The following NSUN3 variants were observed in gnomAD, a reference collection of about 807,000 sequenced individuals.
NSUN3 encodes tRNA (cytosine(34)-C(5))-methyltransferase, mitochondrial.
A neutral mutation model predicts 36.8 loss-of-function variants in NSUN3; 24 were observed. That is an observed-to-expected ratio of 0.65 (90% CI 0.47 to 0.92). NSUN3 has a LOEUF of 0.92. Among genes scored for constraint, NSUN3 ranks in the 40% least tolerant of loss-of-function variants. The pLI is 0.00. For synonymous variants in NSUN3, 146 were observed against 145.2 expected (o/e 1.01, Z -0.04); for missense variants, 381 against 392.8 (o/e 0.97, Z 0.25).
intron 5 of NSUN3, among the ~76,000 whole-genome samples, chr3:94,110,659 T>A (rs1204254116): frequency 1.3e-5 from 2 of 152,180 alleles, no homozygotes; most frequent in Middle Eastern, 3.4e-3. Context: ...TTTTATTAAA[T>A]GTTTTGGCAT....
intron 3 of NSUN3, among the ~76,000 whole-genome samples, chr3:94,085,573 A>G (rs888436559): frequency 7.2e-5 from 11 of 152,196 alleles, no homozygotes; most frequent in South Asian, 2.1e-4. Context: ...TCTGGGCAAC[A>G]TGGGAAAACC....
chr3:94,086,560 C>T (rs2077293647), intron 3 of NSUN3, among the ~76,000 whole-genome samples: 1 of 152,196 alleles, frequency 6.6e-6, no homozygotes, highest in Non-Finnish European at 1.5e-5. Context: ...AGAGCATTCC[C>T]TGTTGAAATA....
chr3:94,090,708 T>G (rs975101683), intron 3 of NSUN3, among the ~76,000 whole-genome samples: 1 of 152,194 alleles, frequency 6.6e-6, no homozygotes, highest in Non-Finnish European at 1.5e-5. Context: ...CAATTATCTT[T>G]AAATACTTAG....
chr3:94,075,962 A>G, intron 2 of NSUN3: 1 of 1,553,898 alleles, frequency 6.4e-7, no homozygotes, highest in Non-Finnish European at 8.9e-7. Context: ...ATCATTATAA[A>G]TGTTCTCTGC....
intron 5 of NSUN3, among the ~76,000 whole-genome samples, chr3:94,122,189 A>T (rs1403635566): frequency 6.6e-6 from 1 of 150,794 alleles, no homozygotes; most frequent in South Asian, 2.1e-4. Flanking sequence ...AGTGACCTCC[A>T]TGGCAAAAGC....
At chr3:94,126,073 AG>A (rs2077484373) in intron 5 of NSUN3, 137 bp from the exon 6 acceptor site, 1 of 675,290 alleles carries the variant, frequency 1.5e-6, no homozygotes, top group Non-Finnish European at 2.4e-6. Context: ...AAAAAAAAAA[AG>A]ACTAGAAAAC....
chr3:94,104,594 T>C (rs1192235852), intron 5 of NSUN3, among the ~76,000 whole-genome samples: 1 of 152,212 alleles, frequency 6.6e-6, no homozygotes, highest in African/African-American at 2.4e-5. Context: ...CCTTACATGC[T>C]TGGCATGGAA....
At chr3:94,086,968 T>C (rs7633544) in intron 3 of NSUN3, among the ~76,000 whole-genome samples, 100,069 of 152,162 alleles carry the variant, frequency 0.66, 34,950 homozygotes, top group African/African-American at 0.92. Context: ...GCATTTTAAT[T>C]CTAAATTATC....
chr3:94,067,959 A>C (rs1315314195), intron 2 of NSUN3, among the ~76,000 whole-genome samples: 1 of 152,042 alleles, frequency 6.6e-6, no homozygotes, highest in Non-Finnish European at 1.5e-5. Context: ...TTTGGACTAA[A>C]AATCTTATCT....
In NSUN3 at chr3:94,095,856, C is replaced by T. The variant is rs557836992; in HGVS notation, c.743+702C>T. On this transcript the variant is annotated intron_variant, in intron 5 of 5. Transcript: ENST00000314622. Reference sequence around the variant, plus strand: ...CCACCTCCCAAGTTCAAGCTATTCTCCTGCCTCAGCCTCCTGAGTAGTTAG... The same window carrying T: ...CCACCTCCCAAGTTCAAGCTATTCTTCTGCCTCAGCCTCCTGAGTAGTTAG... Among the ~76,000 whole-genome samples the T allele has an allele frequency of 3.2e-4, 49 of 152,170 alleles. 1 individual carries two copies. The highest frequency in any genetic ancestry group is 1.2e-3 in the African/African-American group (49 of 41,524).
At chr3:94,126,086 T>A in intron 5 of NSUN3, 125 bp from the exon 6 acceptor site, 3 of 713,218 alleles carry the variant, frequency 4.2e-6, no homozygotes, top group Non-Finnish European at 6.7e-6. Flanking sequence ...CTAGAAAACA[T>A]CCAAAGTAAT....
At chr3:94,077,490 T>C (rs886815400) in intron 2 of NSUN3, among the ~76,000 whole-genome samples, 1 of 152,218 alleles carries the variant, frequency 6.6e-6, no homozygotes, top group Admixed American at 6.5e-5. Context: ...TTTCTATTGT[T>C]TGGAATAGTT....
chr3:94,074,931 G>A (rs1004100676), intron 2 of NSUN3, among the ~76,000 whole-genome samples: 4 of 152,050 alleles, frequency 2.6e-5, no homozygotes, highest in Non-Finnish European at 5.9e-5. Flanking sequence ...GTATGCTATT[G>A]GCTGTGAGTT....
At chr3:94,112,195 T>TA (rs754568894) in intron 5 of NSUN3, among the ~76,000 whole-genome samples, 3 of 152,216 alleles carry the variant, frequency 2.0e-5, no homozygotes, top group Non-Finnish European at 4.4e-5. Flanking sequence ...ATTCAGATGT[T>TA]ACTGTCATCT....
chr3:94,089,546 G>A (rs1488406230), intron 3 of NSUN3, among the ~76,000 whole-genome samples: 2 of 152,166 alleles, frequency 1.3e-5, no homozygotes, highest in Non-Finnish European at 2.9e-5. Flanking sequence ...CACTGAAAAG[G>A]GAAGAAAGCC....
chr3:94,112,604 C>G (rs932040085), intron 5 of NSUN3, among the ~76,000 whole-genome samples: 36 of 152,182 alleles, frequency 2.4e-4, no homozygotes, highest in African/African-American at 8.7e-4. Flanking sequence ...CCAGTTCTTG[C>G]TGTTTAATCT....
At chr3:94,121,673 CAAACACCGAAGTATGAG>C (rs1422407943) in intron 5 of NSUN3, among the ~76,000 whole-genome samples, 1 of 152,090 alleles carries the variant, frequency 6.6e-6, no homozygotes, top group Admixed American at 6.5e-5. Flanking sequence ...AGACTAACAA[CAAACACCGAAGTATGAG>C]AAGACCCTCA....
At chr3:94,093,208 T>C (rs1255911488) in intron 3 of NSUN3, among the ~76,000 whole-genome samples, 1 of 151,936 alleles carries the variant, frequency 6.6e-6, no homozygotes, top group African/African-American at 2.4e-5. Flanking sequence ...TAAAAGTTTT[T>C]TTTTTTACTT....
In NSUN3 at chr3:94,064,542, G is replaced by T; in HGVS notation, c.118G>T (p.Val40Leu). ...AGAACTCGGAGATGCCTGGAATACA[G>T]TAAGGTTAGTATAATTCATCTCGAT... Reference protein sequence around the residue: ...SKELGDAWNTVREILTSPSCW... With the variant: ...SKELGDAWNTLREILTSPSCW... Residue 40 changes from valine to leucine, a missense_variant, in exon 2 of 6, where the codon GTA becomes TTA. Transcript: ENST00000314622. 1 of 1,552,732 alleles carries T rather than the reference G, an allele frequency of 6.4e-7. No homozygotes were observed. The highest frequency in any genetic ancestry group is 8.9e-7 in the Non-Finnish European group (1 of 1,124,314).
Sources: allele counts gnomAD v4.1 joint callset (sites outside exome capture counted in the v4.1 genomes callset), GRCh38; gene constraint gnomAD v4.1.1; transcripts MANE v1.5; gene names NCBI Gene and HGNC (gene_info 2026-07-23, HGNC 2026-07-21).